PTPRCAP: variants seen among roughly 807,000 people sequenced by gnomAD.
PTPRCAP encodes the protein protein tyrosine phosphatase receptor type C-associated protein.
For synonymous variants in PTPRCAP, 136 were observed against 135.8 expected, an observed-to-expected ratio of 1.00 and a Z score of -0.01; for missense variants, 294 against 285.5, an observed-to-expected ratio of 1.03 and a Z score of -0.22.
rs1864251613 is a variant in PTPRCAP at position 67,435,695 on chromosome 11, G to C, written c.*38C>G. Reference sequence around the variant, plus strand: ...CTTGGGAAGCAGAGGCACGGGGAGTGAGCGGCTGTGACAGGGATGGGACAC... The same window carrying C: ...CTTGGGAAGCAGAGGCACGGGGAGTCAGCGGCTGTGACAGGGATGGGACAC... On this transcript the variant is annotated 3_prime_UTR_variant, in exon 2 of 2. Transcript: ENST00000326294. 2 of 1,498,190 alleles carry C rather than the reference G, an allele frequency of 1.3e-6. No homozygotes were observed. Among genetic ancestry groups the C allele is most frequent in the Non-Finnish European group, 8.9e-7 (1 of 1,129,654 alleles). 92.8% of individuals were successfully genotyped at this position (1,498,190 alleles called of 1,614,324 possible).
Position 67,435,700 on chromosome 11 carries a change from G to C in PTPRCAP, c.*33C>G. The stretch of plus-strand genomic sequence containing the variant: ...GAAGCAGAGGCACGGGGAGTGAGCG[G>C]CTGTGACAGGGATGGGACACCAAGA... On this transcript the variant is annotated 3_prime_UTR_variant, in exon 2 of 2. Coordinates refer to ENST00000326294, the MANE Select transcript of PTPRCAP (RefSeq NM_005608.3). 3 of 1,499,066 alleles carry C rather than the reference G, an allele frequency of 2.0e-6. No homozygotes were observed. The highest frequency in any genetic ancestry group is 2.7e-6 in the Non-Finnish European group (3 of 1,129,716). 92.9% of individuals were successfully genotyped at this position (1,499,066 alleles called of 1,614,324 possible). A position where few individuals can be genotyped will look rare whatever the true frequency, so the allele number is the denominator to read the frequency against.
rs1385912902 is a variant in PTPRCAP at position 67,436,008 on chromosome 11, C to T, written c.346G>A (p.Asp116Asn). The part of the protein sequence containing the change: ...RQEDEQDTDY[D>N]HVADGGLQAD... ...TGCAGGCCACCATCCGCGACGTGGT[C>T]ATAGTCTGTGTCCTGCTCATCCTCC... The change falls in exon 2 of 2, where the codon GAC becomes AAC. Residue 116 changes from aspartate (D) to asparagine (N), a missense_variant. By Grantham distance (23) the Asp-to-Asn change is conservative (BLOSUM62 1). Coordinates refer to ENST00000326294, the MANE Select transcript of PTPRCAP (RefSeq NM_005608.3). 3 of 1,613,632 alleles carry T rather than the reference C, an allele frequency of 1.9e-6. No individual in the cohort carries two copies. Among genetic ancestry groups the T allele is most frequent in the South Asian group, 1.1e-5 (1 of 91,078 alleles).
intron 1 of PTPRCAP, 131 bp downstream of exon 1, chr11:67,437,486 C>T: frequency 9.0e-7 from 1 of 1,106,540 alleles, no homozygotes; most frequent in South Asian, 3.6e-5. Context: ...CAGCCTCTGC[C>T]ATACTCCTCT....
chr11:67,435,684 G>C lies in PTPRCAP; in HGVS notation c.*49C>G, dbSNP rs1366679315. 5.3e-6 allele frequency: 8 copies of C among 1,495,916 alleles called. No homozygotes were observed. Among genetic ancestry groups the C allele is most frequent in the Non-Finnish European group, 7.1e-6 (8 of 1,129,244 alleles). The allele number at this position is 1,495,916 out of a possible 1,614,324, so 92.7% of individuals were successfully genotyped here. On this transcript the variant is annotated 3_prime_UTR_variant, in exon 2 of 2. Transcript: ENST00000326294. ...AGCCATGGCATCTTGGGAAGCAGAG[G>C]CACGGGGAGTGAGCGGCTGTGACAG...
At chr11:67,436,505 A>G (rs1864283847) in intron 1 of PTPRCAP, 155 bp from the exon 2 acceptor site, 4 of 867,044 alleles carry the variant, frequency 4.6e-6, no homozygotes, top group Non-Finnish European at 5.0e-6. Flanking sequence ...TTGGTCAACC[A>G]GGCTCTGGCC....
Position 67,436,163 on chromosome 11 carries a change from T to C in PTPRCAP, c.191A>G (p.Tyr64Cys), listed in dbSNP as rs757027921. The stretch of plus-strand genomic sequence containing the variant: ...GGCACCTAGGCGGGCCGGGTGGTAG[T>C]AGCCCCCTGAGTCACGGCTGAGGCG... ...WRRLSRDSGG[Y>C]YHPARLGAAL... is the part of the protein sequence containing the mutation. The change falls in exon 2 of 2, where the codon TAC becomes TGC. Residue 64 changes from tyrosine to cysteine, a missense_variant. Transcript: ENST00000326294. 1.9e-6 allele frequency: 3 copies of C among 1,564,648 alleles called. No homozygotes were observed. The highest frequency in any genetic ancestry group is 3.8e-5 in the Admixed American group (2 of 52,660).
rs1365788880 is a variant in PTPRCAP, at chr11:67,435,567, C to G, written c.*166G>C. The G allele has an allele frequency of 8.6e-6, 9 of 1,047,084 alleles. No individual in the cohort carries two copies. Among genetic ancestry groups the G allele is most frequent in the African/African-American group, 6.5e-5 (4 of 61,818 alleles). 64.9% of individuals were successfully genotyped at this position (1,047,084 alleles called of 1,614,324 possible). A position where few individuals can be genotyped will look rare whatever the true frequency, so the allele number is the denominator to read the frequency against. On this transcript the variant is annotated 3_prime_UTR_variant, in exon 2 of 2. Coordinates refer to ENST00000326294, the MANE Select transcript of PTPRCAP (RefSeq NM_005608.3). The stretch of plus-strand genomic sequence containing the variant: ...GCCTGATGCCTGTGGTTGGGGGGGG[C>G]CGTTCCCGTGGTGAGCGGGGTACAC...
rs1343778312 is a variant in PTPRCAP, at chr11:67,437,416, T to C, written c.3+201A>G. 7 of 487,032 alleles carry C rather than the reference T, an allele frequency of 1.4e-5. No homozygotes were observed. The South Asian group carries it at 5.3e-4, about 37-fold the overall frequency. The allele number at this position is 487,032 out of a possible 1,614,324, so 30.2% of individuals were successfully genotyped here. On this transcript the variant is annotated intron_variant, in intron 1 of 1. Coordinates refer to ENST00000326294, the MANE Select transcript of PTPRCAP (RefSeq NM_005608.3). Reference sequence around the variant, plus strand: ...CTCCTGACAGGGGCCTGGTCCGGTATGGGGTGCTGGGGGCCAGGCCTGGAG... The same window carrying C: ...CTCCTGACAGGGGCCTGGTCCGGTACGGGGTGCTGGGGGCCAGGCCTGGAG...
At chr11:67,437,263 A>C in intron 1 of PTPRCAP, 1 of 232,950 alleles carries the variant, frequency 4.3e-6, no homozygotes, top group Non-Finnish European at 8.3e-6. Context: ...GGAACAGGCT[A>C]GGTGGGGGGT....
chr11:67,435,809 G>T lies in PTPRCAP; in HGVS notation c.545C>A (p.Ala182Asp). The T allele has an allele frequency of 6.2e-7, 1 of 1,600,824 alleles. No individual in the cohort carries two copies. Among genetic ancestry groups the T allele is most frequent in the Non-Finnish European group, 8.5e-7 (1 of 1,174,686 alleles). The part of the protein sequence containing the change: ...SAEALLSDLH[A>D]FAGSAAWDDS... Reference sequence around the variant, plus strand: ...ATCCCAGGCTGCGCTGCCAGCAAAGGCGTGCAGGTCACTCAGCAGGGCCTC... The same window carrying T: ...ATCCCAGGCTGCGCTGCCAGCAAAGTCGTGCAGGTCACTCAGCAGGGCCTC... The change falls in exon 2 of 2, where the codon GCC becomes GAC. Residue 182 changes from alanine (A) to aspartate (D), a missense_variant. Transcript: ENST00000326294.
At position 67,435,552 on chromosome 11, in the gene PTPRCAP, T is replaced by G; in HGVS notation, c.*181A>C. 2.3e-6 allele frequency: 2 copies of G among 874,198 alleles called. No individual in the cohort carries two copies. The highest frequency in any genetic ancestry group is 2.8e-5 in the East Asian group (1 of 35,758). 54.2% of individuals were successfully genotyped at this position (874,198 alleles called of 1,614,324 possible). ...TTATTTCAAATGGTTGCCTGATGCC[T>G]GTGGTTGGGGGGGGCCGTTCCCGTG... On this transcript the variant is annotated 3_prime_UTR_variant, in exon 2 of 2. Transcript: ENST00000326294.
chr11:67,436,717 C>G (rs943130422), intron 1 of PTPRCAP: 1 of 239,342 alleles, frequency 4.2e-6, no homozygotes, highest in African/African-American at 2.3e-5. Context: ...TGAACCTGAC[C>G]TTAACCTCTA....
rs138577657 is a variant in PTPRCAP, at chr11:67,435,999, C to T, written c.355G>A (p.Ala119Thr). The T allele has an allele frequency of 2.0e-4, 327 of 1,613,756 alleles. 2 individuals are homozygous for T. The African/African-American group carries it at 2.8e-3, about 14-fold the overall frequency. Residue 119 changes from alanine (A) to threonine (T), a missense_variant, in exon 2 of 2, where the codon GCG becomes ACG. Coordinates refer to ENST00000326294, the MANE Select transcript of PTPRCAP (RefSeq NM_005608.3). ...DEQDTDYDHVADGGLQADPGE... is the reference protein window; with the variant it reads ...DEQDTDYDHVTDGGLQADPGE... ...GGGTCAGCCTGCAGGCCACCATCCG[C>T]GACGTGGTCATAGTCTGTGTCCTGC... is the stretch of plus-strand genomic sequence containing the variant.
Position 67,435,651 on chromosome 11 carries a change from T to G in PTPRCAP, c.*82A>C. 1 of 1,479,134 alleles carries G rather than the reference T, an allele frequency of 6.8e-7. No homozygotes were observed. Among genetic ancestry groups the G allele is most frequent in the Non-Finnish European group, 8.9e-7 (1 of 1,118,820 alleles). 91.6% of individuals were successfully genotyped at this position (1,479,134 alleles called of 1,614,324 possible). ...GAGGCATGGTCATGTGGGCTGGGGG[T>G]CCAGTCCAGCCATGGCATCTTGGGA... On this transcript the variant is annotated 3_prime_UTR_variant, in exon 2 of 2. Coordinates refer to ENST00000326294, the MANE Select transcript of PTPRCAP (RefSeq NM_005608.3).
chr11:67,437,535 C>T, intron 1 of PTPRCAP, 82 bp downstream of exon 1: 1 of 1,307,616 alleles, frequency 7.6e-7, no homozygotes, highest in East Asian at 2.8e-5. Context: ...GTGGGGCCCT[C>T]CTTAGCTCCA....
chr11:67,436,174 G>A lies in PTPRCAP; in HGVS notation c.180C>T (p.Asp60=). Residue 60 remains aspartate, a synonymous_variant, in exon 2 of 2, where the codon GAC becomes GAT. Coordinates refer to ENST00000326294, the MANE Select transcript of PTPRCAP (RefSeq NM_005608.3). The part of the protein sequence containing the change: ...LALAWRRLSR[D]SGGYYHPARL... Reference sequence around the variant, plus strand: ...GGGCCGGGTGGTAGTAGCCCCCTGAGTCACGGCTGAGGCGGCGCCAGGCCA... The same window carrying A: ...GGGCCGGGTGGTAGTAGCCCCCTGAATCACGGCTGAGGCGGCGCCAGGCCA... The A allele has an allele frequency of 1.3e-6, 2 of 1,561,262 alleles. No homozygotes were observed. Among genetic ancestry groups the A allele is most frequent in the Middle Eastern group, 1.7e-4 (1 of 5,972 alleles).
At position 67,437,187 on chromosome 11, in the gene PTPRCAP, G is replaced by A. The variant is rs1012994254; in HGVS notation, c.3+430C>T. The A allele has an allele frequency of 8.6e-4, 139 of 161,886 alleles. No homozygotes were observed. The East Asian group carries it at 0.011, about 13-fold the overall frequency. 10.0% of individuals were successfully genotyped at this position (161,886 alleles called of 1,614,324 possible). On this transcript the variant is annotated intron_variant, in intron 1 of 1. Coordinates refer to ENST00000326294, the MANE Select transcript of PTPRCAP (RefSeq NM_005608.3). The stretch of plus-strand genomic sequence containing the variant: ...CTCCCAGTCCCTGAGGGCCACAGGC[G>A]TGCAGGGCCGGGGGCTGGGGGGGGC...
rs370062028 is a variant in PTPRCAP, at chr11:67,436,148, C to T, written c.206G>A (p.Arg69His). 4.4e-5 allele frequency: 69 copies of T among 1,571,328 alleles called. No individual in the cohort carries two copies. In the East Asian group the frequency reaches 5.6e-4, roughly 13 times the overall value. Reference sequence around the variant, plus strand: ...GCGGCCCCACAGCGCGGCACCTAGGCGGGCCGGGTGGTAGTAGCCCCCTGA... The same window carrying T: ...GCGGCCCCACAGCGCGGCACCTAGGTGGGCCGGGTGGTAGTAGCCCCCTGA... The part of the protein sequence containing the change: ...RDSGGYYHPA[R>H]LGAALWGRTR... The change falls in exon 2 of 2, where the codon CGC becomes CAC. Residue 69 changes from arginine to histidine, a missense_variant. Physicochemically the swap from Arg to His is conservative, Grantham distance 29. Transcript: ENST00000326294.
Position 67,436,193 on chromosome 11 carries a change from C to CAGGCCAGTGCT in PTPRCAP, c.150_160dup (p.Trp54Ter), listed in dbSNP as rs762876714. 3 of 1,552,782 alleles carry CAGGCCAGTGCT rather than the reference C, an allele frequency of 1.9e-6. No homozygotes were observed. Among genetic ancestry groups the CAGGCCAGTGCT allele is most frequent in the African/African-American group, 2.7e-5 (2 of 73,390 alleles). ...CCCTGAGTCACGGCTGAGGCGGCGC[C>CAGGCCAGTGCT]AGGCCAGTGCTAGGCCAGTGGCCAG... On this transcript the variant is annotated stop_gained and frameshift_variant, in exon 2 of 2. Coordinates refer to ENST00000326294, the MANE Select transcript of PTPRCAP (RefSeq NM_005608.3). LOFTEE classifies it low-confidence loss of function (END_TRUNC).
Sources: allele counts gnomAD v4.1 joint callset, GRCh38; gene constraint gnomAD v4.1.1; transcripts MANE v1.5; gene names NCBI Gene and HGNC (gene_info 2026-07-23, HGNC 2026-07-21).